The following ORC5 variants were observed in gnomAD, a reference collection of about 807,000 sequenced individuals.
ORC5 encodes protein phosphatase 1, regulatory subunit 117.
ORC5 carries 39 observed loss-of-function variants against 58.8 expected under a neutral mutation model. The ratio of observed to expected loss-of-function variants is 0.66; its 90% CI spans 0.51 to 0.87. The LOEUF (loss-of-function observed/expected upper bound fraction) is 0.87, where lower values mean the gene tolerates loss of function less well. Ranked by LOEUF, ORC5 falls within the 40% of genes least tolerant of loss-of-function variation. The probability of loss-of-function intolerance (pLI) is 0.00; values close to 1 mark genes in which losing one functional copy is unlikely to be tolerated. For missense variants in ORC5, 493 were observed against 506.3 expected (o/e 0.97, Z 0.25); for synonymous variants, 218 against 177.6 (o/e 1.23, Z -1.81).
At chr7:104,130,937 T>C (rs1798503606) in intron 13 of ORC5, among the ~76,000 whole-genome samples, 1 of 152,164 alleles carries the variant, frequency 6.6e-6, no homozygotes, top group African/African-American at 2.4e-5. Flanking sequence ...GGTCAAGTGG[T>C]TACTTGCTGG....
In ORC5 at chr7:104,150,545, C is replaced by CA. The variant is rs370761551; in HGVS notation, c.1149+10526dup. On this transcript the variant is annotated intron_variant, in intron 12 of 13. Coordinates refer to ENST00000297431, the MANE Select transcript of ORC5 (RefSeq NM_002553.4). ...AAATCACTACCATAAATTTTCATTT[C>CA]AAAAAAAAAAAAAGGAGAGTGGTTT... Among the ~76,000 whole-genome samples the CA allele has an allele frequency of 3.0e-3, 386 of 128,790 alleles. 1 individual carries two copies. Among genetic ancestry groups the CA allele is most frequent in the Admixed American group, 0.012 (144 of 12,478 alleles). 84.5% of individuals were successfully genotyped at this position (128,790 alleles called of 152,430 possible).
rs1798483496 is a variant in ORC5, at chr7:104,129,543, A to C, written c.1263-2650T>G. Among the ~76,000 whole-genome samples, 1 of 152,218 alleles carries C rather than the reference A, an allele frequency of 6.6e-6. No homozygotes were observed. The highest frequency in any genetic ancestry group is 2.4e-5 in the African/African-American group (1 of 41,456). ...CACATATATTATTTTAAGACATGGCAGAATTTGTTAGAATAATCACAGGGG... is the reference window on the plus strand; with the variant it reads ...CACATATATTATTTTAAGACATGGCCGAATTTGTTAGAATAATCACAGGGG... On this transcript the variant is annotated intron_variant, in intron 13 of 13. Transcript: ENST00000297431. This position sits in a 1 kb window ranked among gnomAD's most constrained non-coding sequence, Gnocchi z 4.9.
chr7:104,162,884 C>T (rs906808022), intron 11 of ORC5, among the ~76,000 whole-genome samples: 26 of 152,184 alleles, frequency 1.7e-4, no homozygotes, highest in Admixed American at 2.6e-4. Flanking sequence ...TTTATACTAC[C>T]GCATATGTAT....
intron 5 of ORC5, among the ~76,000 whole-genome samples, chr7:104,189,429 TC>T (rs1195378341): frequency 6.6e-6 from 1 of 152,042 alleles, no homozygotes; most frequent in African/African-American, 2.4e-5. Flanking sequence ...AACAGGTCCC[TC>T]CATGACATGT....
rs1799666220 is a variant in ORC5 at position 104,191,126 on chromosome 7, A to G, written c.554-2745T>C. Reference sequence around the variant, plus strand: ...TTTTATTTCAAAACTGCTGAAAAAAAAAAAAAAAGCCAAAACTTCCCTGTA... The same window carrying G: ...TTTTATTTCAAAACTGCTGAAAAAAGAAAAAAAAGCCAAAACTTCCCTGTA... On this transcript the variant is annotated intron_variant, in intron 5 of 13. Transcript: ENST00000297431. Among the ~76,000 whole-genome samples the G allele has an allele frequency of 2.0e-5, 3 of 151,178 alleles. No homozygotes were observed. In the South Asian group the frequency reaches 6.2e-4, roughly 31 times the overall value.
At chr7:104,187,228 A>G (rs1052379872) in intron 6 of ORC5, among the ~76,000 whole-genome samples, 2 of 152,210 alleles carry the variant, frequency 1.3e-5, no homozygotes, top group Non-Finnish European at 2.9e-5. Flanking sequence ...AGGGATCCCA[A>G]GACATCCAAC....
At chr7:104,183,205 C>T (rs1799472100) in intron 8 of ORC5, among the ~76,000 whole-genome samples, 1 of 151,728 alleles carries the variant, frequency 6.6e-6, no homozygotes, top group Non-Finnish European at 1.5e-5. Flanking sequence ...GCAATGATAG[C>T]CAACACCTAT....
chr7:104,156,304 T>C (rs1798924328), intron 12 of ORC5, among the ~76,000 whole-genome samples: 1 of 151,744 alleles, frequency 6.6e-6, no homozygotes, highest in Non-Finnish European at 1.5e-5. Context: ...AACATTAACA[T>C]AAAATGTTAA....
At chr7:104,131,176 T>C (rs138471014) in intron 13 of ORC5, among the ~76,000 whole-genome samples, 265 of 152,264 alleles carry the variant, frequency 1.7e-3, no homozygotes, top group African/African-American at 5.9e-3. Context: ...ATGTTCCAGA[T>C]TTCTCTAAAC....
intron 13 of ORC5, among the ~76,000 whole-genome samples, chr7:104,127,181 T>G (rs1326677707): frequency 6.6e-6 from 1 of 152,206 alleles, no homozygotes; most frequent in African/African-American, 2.4e-5. Flanking sequence ...ACAGAAAGTT[T>G]AGACTTCATT....
At chr7:104,164,497 A>G (rs1364321846) in intron 11 of ORC5, among the ~76,000 whole-genome samples, 1 of 152,228 alleles carries the variant, frequency 6.6e-6, no homozygotes, top group Non-Finnish European at 1.5e-5. Context: ...GGTAAACATC[A>G]TCGTAGGCTT....
chr7:104,135,993 C>T (rs774183034), intron 13 of ORC5, among the ~76,000 whole-genome samples: 2 of 152,134 alleles, frequency 1.3e-5, no homozygotes, highest in Non-Finnish European at 2.9e-5. Flanking sequence ...GTCACTTATT[C>T]ATATAAATGG....
intron 12 of ORC5, among the ~76,000 whole-genome samples, chr7:104,151,185 T>G (rs1798840702): frequency 6.6e-6 from 1 of 152,118 alleles, no homozygotes. Flanking sequence ...TAGACTTGGT[T>G]CTGTAAATAA....
At chr7:104,164,099 T>C (rs1023451686) in intron 11 of ORC5, among the ~76,000 whole-genome samples, 1 of 152,196 alleles carries the variant, frequency 6.6e-6, no homozygotes, top group African/African-American at 2.4e-5. Context: ...GTCCTTTTCT[T>C]ATTGGTTTGT....
intron 13 of ORC5, among the ~76,000 whole-genome samples, chr7:104,128,279 C>A (rs531819635): frequency 6.6e-6 from 1 of 152,132 alleles, no homozygotes; most frequent in African/African-American, 2.4e-5. Flanking sequence ...TGTGCCAACA[C>A]GCCTGGCTAA....
At chr7:104,201,499 T>C (rs935545433) in intron 2 of ORC5, among the ~76,000 whole-genome samples, 1 of 152,066 alleles carries the variant, frequency 6.6e-6, no homozygotes, top group Admixed American at 6.5e-5. Flanking sequence ...CAAAGCAAAT[T>C]TGTATTTTCC....
chr7:104,150,856 G>A (rs1798833959), intron 12 of ORC5, among the ~76,000 whole-genome samples: 1 of 122,986 alleles, frequency 8.1e-6, no homozygotes, highest in South Asian at 2.5e-4. Context: ...AAATGGTAAT[G>A]ACATAAAATG....
chr7:104,207,909 G>A lies in ORC5; in HGVS notation c.-5C>T. 6 of 1,613,986 alleles carry A rather than the reference G, an allele frequency of 3.7e-6. No homozygotes were observed. The highest frequency in any genetic ancestry group is 1.1e-5 in the South Asian group (1 of 91,072). ...CACGTTTTCCAAGTGGGGCATTCTG[G>A]CAGGCACCACCGCAGAGGCCAGTGC... On this transcript the variant is annotated 5_prime_UTR_variant, in exon 1 of 14. Coordinates refer to ENST00000297431, the MANE Select transcript of ORC5 (RefSeq NM_002553.4).
chr7:104,207,283 T>TC (rs963750137), intron 1 of ORC5, among the ~76,000 whole-genome samples: 1 of 152,134 alleles, frequency 6.6e-6, no homozygotes, highest in Non-Finnish European at 1.5e-5. Context: ...GACAAACTCC[T>TC]CTCTAGGGCA....
Sources: allele counts gnomAD v4.1 joint callset (sites outside exome capture counted in the v4.1 genomes callset), GRCh38; gene constraint gnomAD v4.1.1; non-coding constraint Gnocchi (gnomAD v3.1); transcripts MANE v1.5; gene names NCBI Gene and HGNC (gene_info 2026-07-23, HGNC 2026-07-21).